Variants in GINS4 observed in about 807,000 individuals in gnomAD.
GINS4 encodes DNA replication complex GINS protein SLD5.
In GINS4, 20 loss-of-function variants were observed where a neutral mutation model predicts 31.1. The observed-to-expected ratio is 0.64, with a 90% CI of 0.45 to 0.93. GINS4 has a LOEUF of 0.93. Ranked by LOEUF, GINS4 falls within the 40% of genes least tolerant of loss-of-function variation. GINS4 has a pLI of 0.00. For missense variants in GINS4, 245 were observed against 273.9 expected, an observed-to-expected ratio of 0.89 and a Z score of 0.75; for synonymous variants, 85 against 97.9, an observed-to-expected ratio of 0.87 and a Z score of 0.78.
In GINS4 at chr8:41,536,943, A is replaced by C. The variant is rs566496185; in HGVS notation, c.184-237A>C. On this transcript the variant is annotated intron_variant, in intron 3 of 7. Coordinates refer to ENST00000276533, the MANE Select transcript of GINS4 (RefSeq NM_032336.3). ...GGAAGTTTCGTCTGTGTGCTGTACT[A>C]TCTCCCTTACAATCAGATTGGAGTT... The C allele has an allele frequency of 6.1e-6, 3 of 490,992 alleles. No individual in the cohort carries two copies. In the South Asian group the frequency reaches 6.4e-5, roughly 10 times the overall value. 30.4% of individuals were successfully genotyped at this position (490,992 alleles called of 1,614,324 possible).
Position 41,542,094 on chromosome 8 carries a change from G to A in GINS4, c.*7G>A. On this transcript the variant is annotated 3_prime_UTR_variant, in exon 8 of 8. Transcript: ENST00000276533. Reference sequence around the variant, plus strand: ...AGCTGTCCAGCTAATTTAAAACTAGGCATAAACAGCCAGGCATGGTGACTC... The same window carrying A: ...AGCTGTCCAGCTAATTTAAAACTAGACATAAACAGCCAGGCATGGTGACTC... 1.2e-6 allele frequency: 2 copies of A among 1,606,020 alleles called. No homozygotes were observed. The highest frequency in any genetic ancestry group is 1.7e-6 in the Non-Finnish European group (2 of 1,172,886).
At position 41,539,939 on chromosome 8, in the gene GINS4, A is replaced by T; in HGVS notation, c.419A>T (p.Tyr140Phe). Residue 140 changes from tyrosine (Y) to phenylalanine (F), a missense_variant, in exon 6 of 8, where the codon TAT becomes TTT. Physicochemically the swap from Tyr to Phe is conservative, Grantham distance 22 (BLOSUM62 3). Transcript: ENST00000276533. ...AREFMANTES[Y>F]LKNVALKHMP... Reference sequence around the variant, plus strand: ...AGGTTCATGGCGAACACAGAGTCCTATCTGAAAAATGTCGCCTTGAAGCAC... The same window carrying T: ...AGGTTCATGGCGAACACAGAGTCCTTTCTGAAAAATGTCGCCTTGAAGCAC... 3 of 1,614,164 alleles carry T rather than the reference A, an allele frequency of 1.9e-6. No homozygotes were observed. In the South Asian group the frequency reaches 3.3e-5, roughly 18 times the overall value.
chr8:41,540,036 A>G (rs878941829), intron 6 of GINS4, 32 bp downstream of exon 6: 2 of 1,477,714 alleles, frequency 1.4e-6, no homozygotes, highest in South Asian at 2.3e-5. Flanking sequence ...CAGGTGGCCC[A>G]CCCATCCTCA....
rs1464640951 is a variant in GINS4 at position 41,540,014 on chromosome 8, A to T, written c.484+10A>T. On this transcript the variant is annotated intron_variant, in intron 6 of 7. Transcript: ENST00000276533. Reference sequence around the variant, plus strand: ...GACCTCTTTCGGGCAGGTAAACAGGACGTTCTCCCTGCAGGTGGCCCACCC... The same window carrying T: ...GACCTCTTTCGGGCAGGTAAACAGGTCGTTCTCCCTGCAGGTGGCCCACCC... 1 of 1,604,674 alleles carries T rather than the reference A, an allele frequency of 6.2e-7. No individual in the cohort carries two copies. The highest frequency in any genetic ancestry group is 2.2e-5 in the East Asian group (1 of 44,854).
chr8:41,539,555 T>G, intron 4 of GINS4, 123 bp from the exon 5 acceptor site: 1 of 726,828 alleles, frequency 1.4e-6, no homozygotes, highest in Non-Finnish European at 2.5e-6. Context: ...CCACCCACCC[T>G]ATCCCACCTC....
chr8:41,533,359 C>T (rs750595957), intron 2 of GINS4, among the ~76,000 whole-genome samples: 5 of 152,206 alleles, frequency 3.3e-5, no homozygotes, highest in Non-Finnish European at 5.9e-5. Context: ...CAGCTGGAGC[C>T]CCAGGCTGGT....
intron 6 of GINS4, 86 bp from the exon 7 acceptor site, chr8:41,541,723 G>A (rs1344687611): frequency 1.0e-6 from 1 of 983,022 alleles, no homozygotes; most frequent in Non-Finnish European, 1.6e-6. Context: ...AACCCTGAGT[G>A]TGCCATACCA....
At chr8:41,539,232 A>G (rs1472623426) in intron 4 of GINS4, among the ~76,000 whole-genome samples, 1 of 148,260 alleles carries the variant, frequency 6.7e-6, no homozygotes, top group Non-Finnish European at 1.5e-5. Context: ...AGGCCGGAGA[A>G]TCACTTGAAC....
chr8:41,537,789 G>A (rs944930654), intron 4 of GINS4: 1 of 152,350 alleles, frequency 6.6e-6, no homozygotes, highest in Non-Finnish European at 1.5e-5. Context: ...TGGGAGGCTA[G>A]GCGGGTGGAT....
At chr8:41,531,473 A>G (rs1441361904) in intron 2 of GINS4, among the ~76,000 whole-genome samples, 6 of 152,184 alleles carry the variant, frequency 3.9e-5, no homozygotes, top group African/African-American at 1.4e-4. Flanking sequence ...CATGTTTGCT[A>G]CTTTAGTATT....
chr8:41,538,584 T>C (rs578034718), intron 4 of GINS4, among the ~76,000 whole-genome samples: 15 of 152,288 alleles, frequency 9.8e-5, no homozygotes, highest in African/African-American at 3.6e-4. Flanking sequence ...TTATCTCTCT[T>C]AAGCTTTATC....
chr8:41,540,238 G>T, intron 6 of GINS4: 1 of 561,626 alleles, frequency 1.8e-6, no homozygotes, highest in Non-Finnish European at 3.2e-6. Context: ...GACTGCACTG[G>T]TGCTTGTAGA....
At chr8:41,538,598 T>C (rs1460406874) in intron 4 of GINS4, among the ~76,000 whole-genome samples, 1 of 152,160 alleles carries the variant, frequency 6.6e-6, no homozygotes, top group Non-Finnish European at 1.5e-5. Context: ...CTTTATCTTA[T>C]TAAATTGGGC....
chr8:41,529,995 C>G, intron 1 of GINS4, 189 bp from the exon 2 acceptor site: 1 of 519,910 alleles, frequency 1.9e-6, no homozygotes, highest in Non-Finnish European at 3.4e-6. Context: ...AAACGGATAC[C>G]TGACCTAAGC....
At chr8:41,541,715 C>A in intron 6 of GINS4, 94 bp from the exon 7 acceptor site, 2 of 929,882 alleles carry the variant, frequency 2.2e-6, no homozygotes, top group African/African-American at 1.6e-5. Flanking sequence ...CCTATCTAAA[C>A]CCTGAGTGTG....
intron 2 of GINS4, among the ~76,000 whole-genome samples, 169 bp downstream of exon 2, chr8:41,530,467 T>TA (rs1806633161): frequency 1.3e-5 from 2 of 152,210 alleles, no homozygotes. Flanking sequence ...CATCCTCTGT[T>TA]AGAGACCTCA....
chr8:41,538,791 G>GC (rs994051690), intron 4 of GINS4, among the ~76,000 whole-genome samples: 2 of 151,552 alleles, frequency 1.3e-5, no homozygotes, highest in African/African-American at 2.4e-5. Context: ...TGCAACCTTC[G>GC]CCCCCCAGGT....
intron 2 of GINS4, among the ~76,000 whole-genome samples, chr8:41,535,528 C>T (rs1806727785): frequency 6.6e-6 from 1 of 152,128 alleles, no homozygotes. Context: ...TAGCCATACC[C>T]AGCATTTGGT....
intron 2 of GINS4, among the ~76,000 whole-genome samples, chr8:41,535,262 C>T (rs1028400704): frequency 7.2e-5 from 11 of 152,054 alleles, no homozygotes; most frequent in Admixed American, 3.9e-4. Flanking sequence ...CACTTGAACC[C>T]GAGAGGCAGA....
Sources: gnomAD v4.1 joint callset for allele counts (sites outside exome capture counted in the v4.1 genomes callset) on GRCh38, gnomAD v4.1.1 for gene constraint, MANE v1.5 for transcripts, NCBI Gene and HGNC (gene_info 2026-07-23, HGNC 2026-07-21) for gene names.